Variants in PAPLN observed in about 807,000 individuals in gnomAD.
PAPLN encodes the protein papilin, proteoglycan like sulfated glycoprotein, also known as papilin.
A neutral mutation model predicts 159.0 loss-of-function variants in PAPLN; 146 were observed. The observed-to-expected ratio is 0.92, with a 90% CI of 0.80 to 1.05. PAPLN has a LOEUF of 1.05. Among genes scored for constraint, PAPLN ranks in the 50% least tolerant of loss-of-function variants. The probability of loss-of-function intolerance (pLI) is 0.00; values close to 1 mark genes in which losing one functional copy is unlikely to be tolerated. For missense variants in PAPLN, 1,720 were observed against 1,743.9 expected (o/e 0.99, Z 0.24); for synonymous variants, 734 against 702.9 (o/e 1.04, Z -0.70).
At position 73,245,516 on chromosome 14, in the gene PAPLN, C is replaced by A; in HGVS notation, c.171-120C>A. 1 of 1,117,254 alleles carries A rather than the reference C, an allele frequency of 9.0e-7. No homozygotes were observed. Among genetic ancestry groups the A allele is most frequent in the Non-Finnish European group, 1.3e-6 (1 of 786,004 alleles). 69.2% of individuals were successfully genotyped at this position (1,117,254 alleles called of 1,614,324 possible). A position where few individuals can be genotyped will look rare whatever the true frequency, so the allele number is the denominator to read the frequency against. On this transcript the variant is annotated intron_variant, in intron 3 of 26. Coordinates refer to ENST00000644200, the MANE Select transcript of PAPLN (RefSeq NM_001365906.3). This position sits in a 1 kb window ranked among gnomAD's most constrained non-coding sequence, Gnocchi z 4.2. ...TTTACGGGGTGGGGTCGGGGGACAC[C>A]CTCTCACCTTGCTGCTCCCACTGGA...
chr14:73,242,476 C>T (rs2242607), intron 2 of PAPLN, among the ~76,000 whole-genome samples: 19,791 of 152,196 alleles, frequency 0.13, 1,789 homozygotes, highest in East Asian at 0.42. Context: ...AACCCAGCAG[C>T]TAAGAAAGCA....
At chr14:73,240,825 G>A (rs1883463630) in intron 2 of PAPLN, among the ~76,000 whole-genome samples, 1 of 152,196 alleles carries the variant, frequency 6.6e-6, no homozygotes, top group African/African-American at 2.4e-5. Context: ...GGTCTGCAGA[G>A]CTGGGTGTTG....
rs773035865 is a variant in PAPLN, at chr14:73,272,668, T to C, written c.*4T>C. ...CGCTCAGCCCATCTGGCAGTAGGGA[T>C]GAAGGCTAGTTCCAGCCCCAGTCCA... On this transcript the variant is annotated 3_prime_UTR_variant, in exon 27 of 27. Coordinates refer to ENST00000644200, the MANE Select transcript of PAPLN (RefSeq NM_001365906.3). The C allele has an allele frequency of 1.5e-5, 23 of 1,563,092 alleles. No homozygotes were observed. In the Admixed American group the frequency reaches 3.8e-4, roughly 26 times the overall value.
At position 73,271,780 on chromosome 14, in the gene PAPLN, A is replaced by G. The variant is rs11848550; in HGVS notation, c.3668-715A>G. ...CTCCCAAAGTGCTGGGATTACAGGC[A>G]TGAGCCACCACACCCAGCTGAATGA... On this transcript the variant is annotated intron_variant, in intron 26 of 26. Transcript: ENST00000644200. 2.0e-3 allele frequency among the ~76,000 whole-genome samples: 306 copies of G among 152,310 alleles called. 1 individual carries two copies. Among genetic ancestry groups the G allele is most frequent in the African/African-American group, 7.1e-3 (297 of 41,570 alleles).
intron 17 of PAPLN, 77 bp from the exon 18 acceptor site, chr14:73,261,079 C>T: frequency 1.2e-6 from 2 of 1,608,114 alleles, no homozygotes; most frequent in Non-Finnish European, 1.7e-6. Flanking sequence ...TTCCTGCCAT[C>T]CTCCCCGTGG....
Position 73,274,553 on chromosome 14 carries a change from G to A in PAPLN, c.*1889G>A, listed in dbSNP as rs1042147476. On this transcript the variant is annotated 3_prime_UTR_variant, in exon 27 of 27. Coordinates refer to ENST00000644200, the MANE Select transcript of PAPLN (RefSeq NM_001365906.3). ...TTTCATTTAATACTGGAAAAATATTGAAGAGCATCCATGTTCACTTATGGC... is the reference window on the plus strand; with the variant it reads ...TTTCATTTAATACTGGAAAAATATTAAAGAGCATCCATGTTCACTTATGGC... 2 of 152,150 alleles carry A rather than the reference G, an allele frequency of 1.3e-5. No individual in the cohort carries two copies. Among genetic ancestry groups the A allele is most frequent in the South Asian group, 2.1e-4 (1 of 4,830 alleles). 9.4% of individuals were successfully genotyped at this position (152,150 alleles called of 1,614,324 possible). A position where few individuals can be genotyped will look rare whatever the true frequency, so the allele number is the denominator to read the frequency against.
intron 20 of PAPLN, 115 bp downstream of exon 20, chr14:73,263,897 TCC>T (rs1886877372): frequency 2.0e-6 from 2 of 981,032 alleles, no homozygotes; most frequent in African/African-American, 4.7e-5. Context: ...GACCCCCTCC[TCC>T]TTTGACAGGT....
chr14:73,258,621 A>G (rs1392642167), intron 14 of PAPLN, among the ~76,000 whole-genome samples: 1 of 147,424 alleles, frequency 6.8e-6, no homozygotes, highest in Non-Finnish European at 1.5e-5. Flanking sequence ...CTATCTCTAA[A>G]AAAAAAAAAA....
intron 2 of PAPLN, among the ~76,000 whole-genome samples, chr14:73,240,050 A>G (rs1047773638): frequency 1.4e-4 from 21 of 152,304 alleles, no homozygotes; most frequent in African/African-American, 4.3e-4. Context: ...TGCAGGGCGC[A>G]GTGTGTAGGA....
chr14:73,238,942 G>A (rs1883242789), intron 1 of PAPLN, among the ~76,000 whole-genome samples: 1 of 152,188 alleles, frequency 6.6e-6, no homozygotes. Flanking sequence ...GGCGCACATT[G>A]TTTATGTCAT....
intron 11 of PAPLN, chr14:73,253,136 G>A (rs1230145705): frequency 4.3e-6 from 6 of 1,386,836 alleles, no homozygotes; most frequent in Non-Finnish European, 5.7e-6. Flanking sequence ...GTTGGCATCG[G>A]CCATGGCTTT....
Position 73,244,657 on chromosome 14 carries a change from G to A in PAPLN, c.68G>A (p.Arg23Lys), listed in dbSNP as rs1186077938. 29 of 1,584,672 alleles carry A rather than the reference G, an allele frequency of 1.8e-5. No homozygotes were observed. Among genetic ancestry groups the A allele is most frequent in the Non-Finnish European group, 2.5e-5 (29 of 1,166,078 alleles). Reference sequence around the variant, plus strand: ...TGTCTTCTGCAGGCTCCCAAGGTGAGGCGGCAGAGTGACACCTGGGGACCC... The same window carrying A: ...TGTCTTCTGCAGGCTCCCAAGGTGAAGCGGCAGAGTGACACCTGGGGACCC... The part of the protein sequence containing the change: ...PAPGSSAPKV[R>K]RQSDTWGPWS... The change falls in exon 3 of 27, where the codon AGG (arginine) becomes AAG (lysine). Residue 23 changes from arginine to lysine, a missense_variant. Coordinates refer to ENST00000644200, the MANE Select transcript of PAPLN (RefSeq NM_001365906.3).
At chr14:73,261,687 G>C (rs1445768057) in intron 18 of PAPLN, among the ~76,000 whole-genome samples, 1 of 152,214 alleles carries the variant, frequency 6.6e-6, no homozygotes, top group Non-Finnish European at 1.5e-5. Flanking sequence ...CTGGAGGGAG[G>C]GTAGGGGTCA....
chr14:73,267,694 C>T (rs913469792), intron 25 of PAPLN, among the ~76,000 whole-genome samples: 7 of 152,202 alleles, frequency 4.6e-5, no homozygotes, highest in African/African-American at 1.7e-4. Flanking sequence ...TGGCCTTGAG[C>T]CCAGGGAAGG....
At chr14:73,239,148 C>T (rs1883271029) in intron 1 of PAPLN, among the ~76,000 whole-genome samples, 1 of 152,014 alleles carries the variant, frequency 6.6e-6, no homozygotes. Context: ...GAGCACACTA[C>T]ACTGTACTGC....
At position 73,258,618 on chromosome 14, in the gene PAPLN, T is replaced by TAAAAAAAAAAAAAAAAAAAAAA. The variant is rs57126237; in HGVS notation, c.1628-341_1628-340insAAAAAAAAAAAAAAAAAAAAAA. ...GGGCAATATAGAAAGACCCTATCTCTAAAAAAAAAAAAAAAAAAAAGTAGT... is the reference window on the plus strand; with the variant it reads ...GGGCAATATAGAAAGACCCTATCTCTAAAAAAAAAAAAAAAAAAAAAAAAAAAAAAAAAAAAAAAAAAGTAGT... On this transcript the variant is annotated intron_variant, in intron 14 of 26. Transcript: ENST00000644200. Among the ~76,000 whole-genome samples, 14 of 75,760 alleles carry TAAAAAAAAAAAAAAAAAAAAAA rather than the reference T, an allele frequency of 1.8e-4. 1 individual carries two copies. Among genetic ancestry groups the TAAAAAAAAAAAAAAAAAAAAAA allele is most frequent in the East Asian group, 1.3e-3 (2 of 1,486 alleles). The allele number at this position is 75,760 out of a possible 152,430, so 49.7% of individuals were successfully genotyped here.
chr14:73,252,925 C>T, intron 11 of PAPLN, 150 bp downstream of exon 11: 3 of 1,367,880 alleles, frequency 2.2e-6, no homozygotes, highest in South Asian at 2.7e-5. Flanking sequence ...GAGGTGGCAG[C>T]TCTTCCTGGG....
chr14:73,251,064 C>T (rs770938155), intron 7 of PAPLN, 34 bp downstream of exon 7: 4 of 1,592,108 alleles, frequency 2.5e-6, no homozygotes, highest in Admixed American at 3.4e-5. Context: ...CAGTTGCCTG[C>T]CCCCTTCCTT....
rs761395021 is a variant in PAPLN, at chr14:73,259,413, A to T, written c.1853A>T (p.Gln618Leu). The change falls in exon 16 of 27, where the codon CAG becomes CTG. Residue 618 changes from glutamine (Q) to leucine (L), a missense_variant. Gln to Leu is a moderately radical substitution (Grantham distance 113). Transcript: ENST00000644200. The part of the protein sequence containing the change: ...PAPSLQQPPY[Q>L]QPLRSGSGPH... ...CCCTCTCTGCAGCAGCCCCCATACC[A>T]GCAACCCCTGCGGTCGGGCTCAGGG... 5 of 1,612,960 alleles carry T rather than the reference A, an allele frequency of 3.1e-6. No homozygotes were observed. In the East Asian group the frequency reaches 1.1e-4, roughly 36 times the overall value.
Sources: gnomAD v4.1 joint callset for allele counts (sites outside exome capture counted in the v4.1 genomes callset) on GRCh38, gnomAD v4.1.1 for gene constraint, Gnocchi (gnomAD v3.1) non-coding constraint, MANE v1.5 for transcripts, NCBI Gene and HGNC (gene_info 2026-07-23, HGNC 2026-07-21) for gene names.